Variants in SPIRE1 observed in about 807,000 individuals in gnomAD.
SPIRE1 encodes the protein spire type actin nucleation factor 1.
Under a neutral mutation model 94.1 loss-of-function variants are expected in SPIRE1, and 40 were observed. That is an observed-to-expected ratio of 0.43 (90% CI 0.33 to 0.55). The LOEUF (loss-of-function observed/expected upper bound fraction) is 0.55, where lower values mean the gene tolerates loss of function less well. Ranked by LOEUF, SPIRE1 falls within the 20% of genes least tolerant of loss-of-function variation. SPIRE1 has a pLI of 0.06. For synonymous variants in SPIRE1, 376 were observed against 371.7 expected (o/e 1.01, Z -0.13); for missense variants, 838 against 975.2 (o/e 0.86, Z 1.87).
chr18:12,468,498 T>C (rs567623351), intron 10 of SPIRE1, among the ~76,000 whole-genome samples: 40 of 152,344 alleles, frequency 2.6e-4, no homozygotes, highest in Admixed American at 5.2e-4. Context: ...TGACGTCCTA[T>C]GAAACCTCCA....
At chr18:12,650,967 G>T (rs113206760) in intron 1 of SPIRE1, among the ~76,000 whole-genome samples, 2 of 151,906 alleles carry the variant, frequency 1.3e-5, no homozygotes, top group African/African-American at 2.4e-5. Context: ...TACTGTTAAG[G>T]CTCCTCCCAC....
At chr18:12,647,557 G>T (rs1428688075) in intron 1 of SPIRE1, among the ~76,000 whole-genome samples, 1 of 152,058 alleles carries the variant, frequency 6.6e-6, no homozygotes, top group Non-Finnish European at 1.5e-5. Context: ...AGACCAGCCT[G>T]GGCAATATAG....
intron 2 of SPIRE1, among the ~76,000 whole-genome samples, chr18:12,608,157 C>CAAA (rs11390238): frequency 2.3e-5 from 3 of 129,074 alleles, no homozygotes; most frequent in Middle Eastern, 4.1e-3. Context: ...GACTCCATCT[C>CAAA]AAAAAAAAAA....
chr18:12,546,147 G>A (rs1412161818), intron 3 of SPIRE1, among the ~76,000 whole-genome samples: 11 of 151,722 alleles, frequency 7.3e-5, no homozygotes, highest in African/African-American at 2.2e-4. Flanking sequence ...CCGCCACCAC[G>A]CCCAGCTAAT....
chr18:12,498,344 TA>T (rs1296994053), intron 6 of SPIRE1, among the ~76,000 whole-genome samples: 1 of 152,234 alleles, frequency 6.6e-6, no homozygotes, highest in Non-Finnish European at 1.5e-5. Context: ...GATGCTTAAA[TA>T]AATAAGATCA....
At chr18:12,652,229 C>G (rs766025264) in intron 1 of SPIRE1, among the ~76,000 whole-genome samples, 91 of 151,966 alleles carry the variant, frequency 6.0e-4, no homozygotes, top group Non-Finnish European at 1.1e-3. Context: ...TTCTAAAGAC[C>G]CTGTATACCA....
intron 9 of SPIRE1, 64 bp downstream of exon 9, chr18:12,485,895 G>T: frequency 8.4e-7 from 1 of 1,195,582 alleles, no homozygotes; most frequent in Non-Finnish European, 1.2e-6. Context: ...GCAGATGAAT[G>T]AAATGTATTT....
intron 2 of SPIRE1, among the ~76,000 whole-genome samples, chr18:12,593,495 G>A (rs761227528): frequency 1.3e-5 from 2 of 152,158 alleles, no homozygotes; most frequent in Admixed American, 6.5e-5. Flanking sequence ...AATGATCCAC[G>A]CTGAAGACCA....
At chr18:12,452,674 G>C in intron 14 of SPIRE1, 162 bp from the exon 15 acceptor site, 1 of 730,952 alleles carries the variant, frequency 1.4e-6, no homozygotes, top group Non-Finnish European at 2.3e-6. Flanking sequence ...TTGCCAAAAA[G>C]ATAATCTACA....
intron 2 of SPIRE1, among the ~76,000 whole-genome samples, chr18:12,618,514 A>G (rs371335159): frequency 2.0e-5 from 3 of 152,202 alleles, no homozygotes; most frequent in East Asian, 3.9e-4. Flanking sequence ...AAACCTCTAG[A>G]AATAAAAACA....
At chr18:12,616,765 C>G (rs548648422) in intron 2 of SPIRE1, among the ~76,000 whole-genome samples, 65 of 152,356 alleles carry the variant, frequency 4.3e-4, no homozygotes, top group Admixed American at 2.2e-3. Context: ...AGCTCAGGTT[C>G]TGTCATCTTA....
At chr18:12,547,085 T>C (rs1196659060) in intron 2 of SPIRE1, among the ~76,000 whole-genome samples, 181 bp from the exon 3 acceptor site, 1 of 151,772 alleles carries the variant, frequency 6.6e-6, no homozygotes, top group Non-Finnish European at 1.5e-5. Context: ...GCCATTCATA[T>C]ATAAAATATT....
intron 2 of SPIRE1, among the ~76,000 whole-genome samples, chr18:12,590,670 C>T (rs540175174): frequency 8.6e-4 from 131 of 152,190 alleles, no homozygotes; most frequent in African/African-American, 3.1e-3. Flanking sequence ...GTGGAGGCCT[C>T]GAGGGCTAGA....
At chr18:12,521,597 G>A (rs772472580) in intron 4 of SPIRE1, among the ~76,000 whole-genome samples, 1 of 152,134 alleles carries the variant, frequency 6.6e-6, no homozygotes, top group African/African-American at 2.4e-5. Flanking sequence ...GCCTCCCAAA[G>A]TGCTGGGATT....
rs148872046 is a variant in SPIRE1, at chr18:12,647,511, G to C, written c.337+10019C>G. Among the ~76,000 whole-genome samples the C allele has an allele frequency of 2.3e-3, 351 of 152,276 alleles. 3 individuals are homozygous for C. Among genetic ancestry groups the C allele is most frequent in the South Asian group, 0.014 (69 of 4,820 alleles). On this transcript the variant is annotated intron_variant, in intron 1 of 16. Coordinates refer to ENST00000409402, the MANE Select transcript of SPIRE1 (RefSeq NM_001128626.2). Reference sequence around the variant, plus strand: ...CACACCTGTAATCCCACCACTGTGGGAAGCTGAGGCAGGAAGATCACTTGA... The same window carrying C: ...CACACCTGTAATCCCACCACTGTGGCAAGCTGAGGCAGGAAGATCACTTGA...
chr18:12,591,918 G>A (rs549465720), intron 2 of SPIRE1, among the ~76,000 whole-genome samples: 8 of 132,190 alleles, frequency 6.1e-5, no homozygotes, highest in African/African-American at 1.7e-4. Flanking sequence ...GCAGTGAGCC[G>A]AGATCGCACC....
At chr18:12,603,457 G>C (rs1023778198) in intron 2 of SPIRE1, among the ~76,000 whole-genome samples, 1 of 152,164 alleles carries the variant, frequency 6.6e-6, no homozygotes, top group Non-Finnish European at 1.5e-5. Flanking sequence ...CCCCTAGGTA[G>C]CTTCAGGATG....
chr18:12,618,925 C>T (rs1248507113), intron 2 of SPIRE1, among the ~76,000 whole-genome samples: 4 of 152,014 alleles, frequency 2.6e-5, no homozygotes, highest in Admixed American at 2.0e-4. Context: ...GCTCTTGTTG[C>T]CCAGGCTGGA....
chr18:12,549,436 G>GTTTTTTTTTTTTTTTTTTTTTTTTTTTTT (rs1345452411), intron 2 of SPIRE1, among the ~76,000 whole-genome samples: 5 of 51,920 alleles, frequency 9.6e-5, no homozygotes, highest in Non-Finnish European at 1.5e-4. Flanking sequence ...TTTTGTTATT[G>GTTTTTTTTTTTTTTTTTTTTTTTTTTTTT]TTGTTTTTTT....
Sources: gnomAD v4.1 joint callset for allele counts (sites outside exome capture counted in the v4.1 genomes callset) on GRCh38, gnomAD v4.1.1 for gene constraint, MANE v1.5 for transcripts, NCBI Gene and HGNC (gene_info 2026-07-23, HGNC 2026-07-21) for gene names.